The following ACYP2 variants were observed in gnomAD, a reference collection of about 807,000 sequenced individuals.
The protein encoded by ACYP2 is acylphosphatase-2.
ACYP2 carries 12 observed loss-of-function variants against 11.2 expected under a neutral mutation model. The ratio of observed to expected loss-of-function variants is 1.08; its 90% CI spans 0.69 to 1.74. The LOEUF (loss-of-function observed/expected upper bound fraction) is 1.74, where lower values mean the gene tolerates loss of function less well. Ranked by LOEUF, ACYP2 falls within the 40% of genes most tolerant of loss-of-function variation. The probability of loss-of-function intolerance (pLI) is 0.00; values close to 1 mark genes in which losing one functional copy is unlikely to be tolerated. For missense variants in ACYP2, 134 were observed against 101.9 expected (o/e 1.31, Z -1.35); for synonymous variants, 43 against 32.2 (o/e 1.33, Z -1.13).
chr2:54,116,146 G>A (rs1679778933), intron 4 of ACYP2, among the ~76,000 whole-genome samples: 1 of 152,160 alleles, frequency 6.6e-6, no homozygotes. Flanking sequence ...TGAGTTTTAG[G>A]AAGGACACTT....
At chr2:54,095,536 G>A (rs1235807001) in intron 4 of ACYP2, among the ~76,000 whole-genome samples, 16 of 148,978 alleles carry the variant, frequency 1.1e-4, no homozygotes, top group Middle Eastern at 3.5e-3. Flanking sequence ...CCTCCCTCCC[G>A]GACGGGGCAG....
At chr2:54,000,010 A>C (rs537658582) in intron 2 of ACYP2, among the ~76,000 whole-genome samples, 1 of 152,266 alleles carries the variant, frequency 6.6e-6, no homozygotes, top group Non-Finnish European at 1.5e-5. Context: ...CTTAAACCTT[A>C]AATAGGGTTG....
At chr2:54,258,596 G>T (rs995949660) in intron 6 of ACYP2, among the ~76,000 whole-genome samples, 107 of 152,280 alleles carry the variant, frequency 7.0e-4, no homozygotes, top group African/African-American at 2.5e-3. Context: ...CTGGCTCCTG[G>T]GTGAAAAATA....
At chr2:54,260,442 C>A (rs966788278) in intron 6 of ACYP2, among the ~76,000 whole-genome samples, 2 of 152,052 alleles carry the variant, frequency 1.3e-5, no homozygotes, top group African/African-American at 4.8e-5. Context: ...TTTCTCCAGC[C>A]GCATTCAACT....
At chr2:54,056,455 C>A (rs1296116190) in intron 3 of ACYP2, among the ~76,000 whole-genome samples, 1 of 152,144 alleles carries the variant, frequency 6.6e-6, no homozygotes, top group Admixed American at 6.6e-5. Context: ...AAGCATAATA[C>A]CCTGTACTGC....
At chr2:54,141,487 G>T (rs773561741) in intron 6 of ACYP2, among the ~76,000 whole-genome samples, 4 of 152,054 alleles carry the variant, frequency 2.6e-5, no homozygotes, top group Non-Finnish European at 4.4e-5. Context: ...ATAGCCAGTT[G>T]TCCTGGCGCC....
Position 54,304,802 on chromosome 2 carries a change from A to AAAT in ACYP2, c.519_*1insAAT. 6.5e-7 allele frequency: 1 copy of AAAT among 1,539,876 alleles called. No homozygotes were observed. Among genetic ancestry groups the AAAT allele is most frequent in the Non-Finnish European group, 9.0e-7 (1 of 1,116,668 alleles). ...ACTCTAATTTTAGTATTAGATACTA[A>AAAT]TAGAAGAGAAAAATTGTAACACACT... is the stretch of plus-strand genomic sequence containing the variant. On this transcript the variant is annotated 3_prime_UTR_variant, in exon 7 of 7. Coordinates refer to ENST00000607452, the MANE Select transcript of ACYP2 (RefSeq NM_001320586.2).
At chr2:54,090,980 C>T (rs938154714) in intron 4 of ACYP2, among the ~76,000 whole-genome samples, 2 of 152,126 alleles carry the variant, frequency 1.3e-5, no homozygotes, top group African/African-American at 4.8e-5. Context: ...ATGATGTTGC[C>T]TTGGACACAA....
intron 6 of ACYP2, among the ~76,000 whole-genome samples, chr2:54,302,486 G>A (rs1415453752): frequency 6.6e-6 from 1 of 152,028 alleles, no homozygotes; most frequent in East Asian, 1.9e-4. Flanking sequence ...CTTCACATTG[G>A]AGAACCCCCA....
intron 4 of ACYP2, among the ~76,000 whole-genome samples, chr2:54,061,511 C>T (rs1676467525): frequency 6.6e-6 from 1 of 152,146 alleles, no homozygotes; most frequent in Admixed American, 6.5e-5. Context: ...ACTGGTGAAC[C>T]TTAGAGGGCT....
intron 2 of ACYP2, among the ~76,000 whole-genome samples, chr2:54,020,853 T>C (rs918234008): frequency 1.3e-5 from 2 of 152,226 alleles, no homozygotes; most frequent in African/African-American, 4.8e-5. Context: ...TAAGGTAGAC[T>C]TGATTTTTCA....
intron 6 of ACYP2, among the ~76,000 whole-genome samples, chr2:54,290,930 G>C (rs11684075): frequency 0.038 from 5,842 of 152,236 alleles, 151 homozygotes; most frequent in South Asian, 0.1. Flanking sequence ...ATCTAGGCAG[G>C]CTTGCCTTGC....
At chr2:54,272,322 C>A (rs1346432281) in intron 6 of ACYP2, among the ~76,000 whole-genome samples, 1 of 152,168 alleles carries the variant, frequency 6.6e-6, no homozygotes, top group Admixed American at 6.5e-5. Context: ...GCAGGTTTAT[C>A]TCTACCCAGG....
chr2:54,159,479 A>T (rs1682611156), intron 6 of ACYP2, among the ~76,000 whole-genome samples: 1 of 151,738 alleles, frequency 6.6e-6, no homozygotes, highest in Non-Finnish European at 1.5e-5. Context: ...AAGTCCTGAG[A>T]TTACAGGCAT....
intron 6 of ACYP2, among the ~76,000 whole-genome samples, chr2:54,234,234 T>C (rs891840175): frequency 6.6e-6 from 1 of 152,218 alleles, no homozygotes; most frequent in Non-Finnish European, 1.5e-5. Context: ...AACACTCTCA[T>C]TGTAAACGGA....
At chr2:54,113,240 CTTT>C (rs60452262) in intron 4 of ACYP2, among the ~76,000 whole-genome samples, 21 of 140,036 alleles carry the variant, frequency 1.5e-4, no homozygotes, top group East Asian at 2.1e-4. Flanking sequence ...GTAGAGATGA[CTTT>C]TTTTTTTTTT....
chr2:54,160,146 T>C (rs1397476277), intron 6 of ACYP2, among the ~76,000 whole-genome samples: 1 of 152,076 alleles, frequency 6.6e-6, no homozygotes, highest in Non-Finnish European at 1.5e-5. Flanking sequence ...GGACTGGAGG[T>C]CAGTAGCCAC....
chr2:54,035,282 T>G (rs1414093641), intron 2 of ACYP2, among the ~76,000 whole-genome samples: 4 of 143,892 alleles, frequency 2.8e-5, no homozygotes, highest in African/African-American at 7.7e-5. Flanking sequence ...TTTTTTTTTT[T>G]TGAGACAGAG....
chr2:54,124,385 G>T (rs555035687), intron 4 of ACYP2, among the ~76,000 whole-genome samples: 1 of 152,086 alleles, frequency 6.6e-6, no homozygotes, highest in Non-Finnish European at 1.5e-5. Flanking sequence ...TAGTAGAGAC[G>T]GGGTTTCTCC....
Sources: gnomAD v4.1 joint callset for allele counts (sites outside exome capture counted in the v4.1 genomes callset) on GRCh38, gnomAD v4.1.1 for gene constraint, MANE v1.5 for transcripts, NCBI Gene and HGNC (gene_info 2026-07-23, HGNC 2026-07-21) for gene names.